TENM1: variants seen among roughly 807,000 people sequenced by gnomAD.
The protein encoded by TENM1 is teneurin transmembrane protein 1.
Under a neutral mutation model 174.8 loss-of-function variants are expected in TENM1, and 35 were observed. The ratio of observed to expected loss-of-function variants is 0.20; its 90% CI spans 0.15 to 0.27. The LOEUF is 0.27. Among genes scored for constraint, TENM1 ranks in the 10% least tolerant of loss-of-function variants. The pLI, the probability that TENM1 is intolerant of heterozygous loss-of-function variation, is 1.00. For missense variants in TENM1, 1,633 were observed against 2,130.1 expected (o/e 0.77, Z 4.59); for synonymous variants, 781 against 798.7 (o/e 0.98, Z 0.37).
intron 3 of TENM1, among the ~76,000 whole-genome samples, chrX:124,803,741 GA>G (rs768469879): frequency 8.9e-6 from 1 of 112,147 alleles, no homozygotes; most frequent in African/African-American, 3.2e-5. Flanking sequence ...CACGGAGTAA[GA>G]AATAGAAAAA....
intron 11 of TENM1, among the ~76,000 whole-genome samples, chrX:124,600,191 C>T (rs943563889): frequency 4.5e-5 from 5 of 110,266 alleles, no homozygotes; most frequent in Middle Eastern, 4.2e-3. Context: ...AATTAGCCTC[C>T]TTAGAGAAAT....
chrX:125,016,935 A>G, the TENM1 span, among the ~76,000 whole-genome samples: 1 of 111,797 alleles, frequency 8.9e-6, no homozygotes, highest in African/African-American at 3.3e-5. Context: ...CTGATCTTTG[A>G]CAGACCTGAC....
intron 3 of TENM1, among the ~76,000 whole-genome samples, chrX:124,741,824 G>A (rs186512024): frequency 1.2e-3 from 135 of 112,149 alleles, no homozygotes; most frequent in Middle Eastern, 4.6e-3. Context: ...GTATTCTTAC[G>A]CAGTTCATTC....
At chrX:124,865,788 T>A (rs1231512934) in intron 3 of TENM1, among the ~76,000 whole-genome samples, 1 of 110,779 alleles carries the variant, frequency 9.0e-6, no homozygotes, top group Non-Finnish European at 1.9e-5. Flanking sequence ...AAAGCACACA[T>A]AGACTGAAAA....
chrX:124,967,820 TC>T (rs2058745713), upstream of TENM1, among the ~76,000 whole-genome samples: 1 of 111,203 alleles, frequency 9.0e-6, no homozygotes, highest in Admixed American at 9.6e-5. Context: ...AGATGTTCCT[TC>T]CCCCATACCC....
intron 6 of TENM1, among the ~76,000 whole-genome samples, chrX:124,670,706 C>T (rs981116969): frequency 4.5e-5 from 5 of 111,046 alleles, no homozygotes; most frequent in Middle Eastern, 4.7e-3. Context: ...ACAACCCCCC[C>T]GCCACCACGA....
chrX:124,438,834 T>A (rs1316567115), intron 23 of TENM1, among the ~76,000 whole-genome samples: 1 of 111,173 alleles, frequency 9.0e-6, no homozygotes, highest in Non-Finnish European at 1.9e-5. Context: ...ATATTGTGAT[T>A]TTACCTAAGA....
At chrX:124,632,309 T>C (rs1232290769) in intron 11 of TENM1, among the ~76,000 whole-genome samples, 1 of 110,988 alleles carries the variant, frequency 9.0e-6, no homozygotes, top group African/African-American at 3.3e-5. Context: ...CCTCTCAAAG[T>C]AAAGGAGTTC....
intron 11 of TENM1, among the ~76,000 whole-genome samples, chrX:124,637,357 G>T (rs2050904105): frequency 9.1e-6 from 1 of 110,284 alleles, no homozygotes; most frequent in Non-Finnish European, 1.9e-5. Context: ...CAAAGTGCTG[G>T]GATTACAGGT....
At chrX:125,046,422 C>T in the TENM1 span, among the ~76,000 whole-genome samples, 1 of 112,205 alleles carries the variant, frequency 8.9e-6, no homozygotes, top group Non-Finnish European at 1.9e-5. Flanking sequence ...ACTATGTCTT[C>T]TTTGTCAATG....
At chrX:124,507,767 T>C (rs932224680) in intron 18 of TENM1, among the ~76,000 whole-genome samples, 4 of 111,729 alleles carry the variant, frequency 3.6e-5, no homozygotes, top group African/African-American at 1.3e-4. Context: ...TGCCATGCAA[T>C]GAAGCTGACG....
intron 11 of TENM1, among the ~76,000 whole-genome samples, chrX:124,566,616 G>A (rs2048947861): frequency 8.9e-6 from 1 of 112,307 alleles, no homozygotes; most frequent in Non-Finnish European, 1.9e-5. Flanking sequence ...CTCTTTCACA[G>A]TCTCAAATTC....
At chrX:124,902,215 T>C (rs1404533716) in intron 1 of TENM1, among the ~76,000 whole-genome samples, 1 of 112,215 alleles carries the variant, frequency 8.9e-6, no homozygotes, top group Non-Finnish European at 1.9e-5. Context: ...GGAAAAGAGT[T>C]AGTAGTTTCA....
At chrX:124,873,658 C>T (rs2057148113) in intron 3 of TENM1, among the ~76,000 whole-genome samples, 1 of 111,313 alleles carries the variant, frequency 9.0e-6, no homozygotes, top group South Asian at 3.8e-4. Flanking sequence ...CCACTACTAT[C>T]GACAACGATT....
chrX:125,163,871 ACTAATT>A, the TENM1 span, among the ~76,000 whole-genome samples: 1 of 111,725 alleles, frequency 9.0e-6, no homozygotes, highest in Admixed American at 9.5e-5. Context: ...TTTCCTAACA[ACTAATT>A]CTAACATATC....
At chrX:124,917,682 T>C (rs1459828488) in intron 1 of TENM1, among the ~76,000 whole-genome samples, 1 of 111,942 alleles carries the variant, frequency 8.9e-6, no homozygotes, top group Non-Finnish European at 1.9e-5. Flanking sequence ...ATATGCCTTG[T>C]TTATGTGCTT....
chrX:124,635,715 C>T (rs1474189442), intron 11 of TENM1, among the ~76,000 whole-genome samples: 1 of 112,315 alleles, frequency 8.9e-6, no homozygotes, highest in Non-Finnish European at 1.9e-5. Flanking sequence ...GTGACCAGGA[C>T]AAGTCAGATT....
intron 8 of TENM1, among the ~76,000 whole-genome samples, chrX:124,648,699 G>A (rs779455694): frequency 8.9e-6 from 1 of 111,807 alleles, no homozygotes; most frequent in East Asian, 2.8e-4. Context: ...CACTTCTTAA[G>A]TCTACATTTG....
intron 28 of TENM1, among the ~76,000 whole-genome samples, chrX:124,390,731 A>ACTT (rs1297199352): frequency 1.8e-5 from 2 of 112,176 alleles, no homozygotes; most frequent in African/African-American, 6.5e-5. Flanking sequence ...CTTAAGAAAT[A>ACTT]CTTTGCCTAT....
Sources: gnomAD v4.1 joint callset for allele counts (sites outside exome capture counted in the v4.1 genomes callset) on GRCh38, gnomAD v4.1.1 for gene constraint, MANE v1.5 for transcripts, NCBI Gene and HGNC (gene_info 2026-07-23, HGNC 2026-07-21) for gene names.